Variants in TGM6 observed in about 807,000 individuals in gnomAD.
The protein encoded by TGM6 is transglutaminase 6, also known as protein-glutamine gamma-glutamyltransferase 6.
TGM6 carries 74 observed loss-of-function variants against 77.5 expected under a neutral mutation model. The observed-to-expected ratio is 0.96, with a 90% CI of 0.79 to 1.16. The LOEUF is 1.16. Among genes scored for constraint, TGM6 ranks in the 50% most tolerant of loss-of-function variants. The pLI, the probability that TGM6 is intolerant of heterozygous loss-of-function variation, is 0.00. For synonymous variants in TGM6, 383 were observed against 378.9 expected (o/e 1.01, Z -0.12); for missense variants, 968 against 940.2 (o/e 1.03, Z -0.39).
chr20:2,410,410 T>A (rs6036398), intron 9 of TGM6, among the ~76,000 whole-genome samples: 27,499 of 152,042 alleles, frequency 0.18, 3,618 homozygotes, highest in African/African-American at 0.38. Flanking sequence ...GCCCTGTGTA[T>A]CTCTCCCACT....
At chr20:2,386,248 A>T in intron 1 of TGM6, among the ~76,000 whole-genome samples, 1 of 152,112 alleles carries the variant, frequency 6.6e-6, no homozygotes, top group Non-Finnish European at 1.5e-5. Context: ...CGGCTATTAC[A>T]CCACATATGG....
In TGM6 at chr20:2,415,651, TG is replaced by T. The variant is rs1046979315; in HGVS notation, c.1337-1579del. ...CCTAAGGAGGATGCTCAGCAGGACC[TG>T]GTGAGGGCTCTGTTGTGAGTGATAA... is the stretch of plus-strand genomic sequence containing the variant. On this transcript the variant is annotated intron_variant, in intron 9 of 12. Coordinates refer to ENST00000202625, the MANE Select transcript of TGM6 (RefSeq NM_198994.3). Among the ~76,000 whole-genome samples, 267 of 152,218 alleles carry T rather than the reference TG, an allele frequency of 1.8e-3. 1 individual carries two copies. Among genetic ancestry groups the T allele is most frequent in the African/African-American group, 6.2e-3 (258 of 41,520 alleles).
chr20:2,424,543 A>T (rs979863128), intron 10 of TGM6, among the ~76,000 whole-genome samples: 1 of 152,220 alleles, frequency 6.6e-6, no homozygotes, highest in African/African-American at 2.4e-5. Flanking sequence ...GCTTAATGGA[A>T]TGTTATGGCT....
intron 9 of TGM6, among the ~76,000 whole-genome samples, chr20:2,409,482 T>C (rs1472994400): frequency 1.3e-5 from 2 of 151,970 alleles, no homozygotes; most frequent in African/African-American, 4.8e-5. Flanking sequence ...GAGGCCGAGG[T>C]GTGCAGATCA....
intron 1 of TGM6, among the ~76,000 whole-genome samples, chr20:2,392,497 A>G (rs962859335): frequency 6.6e-6 from 1 of 152,248 alleles, no homozygotes; most frequent in Non-Finnish European, 1.5e-5. Flanking sequence ...CTGGAACATA[A>G]TAAGTAACGA....
At chr20:2,405,497 G>A (rs184430529) in intron 9 of TGM6, among the ~76,000 whole-genome samples, 1 of 152,312 alleles carries the variant, frequency 6.6e-6, no homozygotes, top group Non-Finnish European at 1.5e-5. Context: ...CTAAGAGGGA[G>A]GCAAAGAGGA....
Position 2,400,413 on chromosome 20 carries a change from A to C in TGM6, c.958A>C (p.Thr320Pro), listed in dbSNP as rs754423941. The change falls in exon 7 of 13, where the codon ACC (threonine) becomes CCC (proline). Residue 320 changes from threonine (T) to proline (P), a missense_variant. Thr to Pro is a conservative substitution (Grantham distance 38). Transcript: ENST00000202625. ...VDKYVDSFGR[T>P]LEDLTEDSMW... ...CAAATACGTGGACTCCTTCGGGCGG[A>C]CCCTGGAGGACCTGACAGAAGACAG... is the stretch of plus-strand genomic sequence containing the variant. The C allele has an allele frequency of 3.1e-6, 5 of 1,613,892 alleles. No individual in the cohort carries two copies. In the African/African-American group the frequency reaches 6.7e-5, roughly 22 times the overall value.
intron 9 of TGM6, among the ~76,000 whole-genome samples, chr20:2,408,143 C>T (rs1037402221): frequency 1.1e-4 from 16 of 152,100 alleles, no homozygotes; most frequent in African/African-American, 3.9e-4. Context: ...CAATATTGCT[C>T]AGGCAAGCCA....
At position 2,403,516 on chromosome 20, in the gene TGM6, TG is replaced by T; in HGVS notation, c.1093+20del. On this transcript the variant is annotated intron_variant, in intron 8 of 12. Coordinates refer to ENST00000202625, the MANE Select transcript of TGM6 (RefSeq NM_198994.3). ...GAGAGTGAAGGTACGCTCAATTGGG[TG>T]GGGTAAGTTCCAGACCCCTGCTTTT... 1.2e-6 allele frequency: 2 copies of T among 1,614,082 alleles called. No individual in the cohort carries two copies. The highest frequency in any genetic ancestry group is 8.5e-7 in the Non-Finnish European group (1 of 1,180,008).
intron 7 of TGM6, 25 bp from the exon 8 acceptor site, chr20:2,403,372 T>C: frequency 4.3e-6 from 7 of 1,613,862 alleles, no homozygotes; most frequent in Non-Finnish European, 5.9e-6. Context: ...TCTAGGCAGC[T>C]TCACCCATCC....
chr20:2,399,655 C>CCATTCTGCA lies in TGM6; in HGVS notation c.768_776dup (p.Leu258_Gln259insHisIleLeu). 8 of 1,613,746 alleles carry CCATTCTGCA rather than the reference C, an allele frequency of 5.0e-6. No homozygotes were observed. The highest frequency in any genetic ancestry group is 5.9e-6 in the Non-Finnish European group (7 of 1,179,956). On this transcript the variant is annotated inframe_insertion, in exon 6 of 13. Coordinates refer to ENST00000202625, the MANE Select transcript of TGM6 (RefSeq NM_198994.3). ...CCGCTGCACTGGCGCGGCAGCGTGG[C>CCATTCTGCA]CATTCTGCAGAAGTGGCTCAAGGGC...
chr20:2,382,070 G>A (rs2084558902), intron 1 of TGM6, among the ~76,000 whole-genome samples: 1 of 152,214 alleles, frequency 6.6e-6, no homozygotes, highest in Non-Finnish European at 1.5e-5. Flanking sequence ...TTCAAGGGGT[G>A]TTTCTGAGTC....
intron 3 of TGM6, 86 bp downstream of exon 3, chr20:2,395,522 G>C (rs1050306450): frequency 6.2e-7 from 1 of 1,609,834 alleles, no homozygotes; most frequent in Non-Finnish European, 8.5e-7. Flanking sequence ...CTGGGAGGTG[G>C]GTTAAAGGAC....
chr20:2,391,058 G>A (rs939821837), intron 1 of TGM6, among the ~76,000 whole-genome samples: 1 of 130,194 alleles, frequency 7.7e-6, no homozygotes, highest in African/African-American at 3.0e-5. Flanking sequence ...CCAATGGAGA[G>A]CTTGAGAACA....
chr20:2,416,224 A>T (rs1217186029), intron 9 of TGM6, among the ~76,000 whole-genome samples: 1 of 152,222 alleles, frequency 6.6e-6, no homozygotes, highest in African/African-American at 2.4e-5. Context: ...ACAGAGTGAG[A>T]TCCTGTCTCA....
chr20:2,386,156 A>G (rs2084594014), intron 1 of TGM6, among the ~76,000 whole-genome samples: 1 of 152,144 alleles, frequency 6.6e-6, no homozygotes, highest in African/African-American at 2.4e-5. Context: ...TGTCCCCATG[A>G]GGACTAAGAG....
chr20:2,392,357 A>G (rs2084634652), intron 1 of TGM6, among the ~76,000 whole-genome samples: 1 of 152,178 alleles, frequency 6.6e-6, no homozygotes, highest in Middle Eastern at 3.2e-3. Context: ...TTCTGGAGGA[A>G]GCCTTGCTTG....
At chr20:2,405,005 T>G (rs2084739928) in intron 9 of TGM6, among the ~76,000 whole-genome samples, 1 of 152,188 alleles carries the variant, frequency 6.6e-6, no homozygotes, top group South Asian at 2.1e-4. Flanking sequence ...AATAATTACT[T>G]ATTTGGTCAA....
intron 1 of TGM6, among the ~76,000 whole-genome samples, chr20:2,386,025 G>A (rs1005694397): frequency 6.6e-6 from 1 of 152,180 alleles, no homozygotes; most frequent in African/African-American, 2.4e-5. Flanking sequence ...TGAGCACATG[G>A]AAGGGGTGAT....
Sources: gnomAD v4.1 joint callset for allele counts (sites outside exome capture counted in the v4.1 genomes callset) on GRCh38, gnomAD v4.1.1 for gene constraint, MANE v1.5 for transcripts, NCBI Gene and HGNC (gene_info 2026-07-23, HGNC 2026-07-21) for gene names.